The following FILIP1L variants were observed in gnomAD, a reference collection of about 807,000 sequenced individuals.
FILIP1L encodes the protein filamin A-interacting protein 1-like.
FILIP1L carries 55 observed loss-of-function variants against 96.6 expected under a neutral mutation model. The ratio of observed to expected loss-of-function variants is 0.57; its 90% CI spans 0.46 to 0.71. The LOEUF (loss-of-function observed/expected upper bound fraction) is 0.71, where lower values mean the gene tolerates loss of function less well. Ranked by LOEUF, FILIP1L falls within the 30% of genes least tolerant of loss-of-function variation. The pLI, the probability that FILIP1L is intolerant of heterozygous loss-of-function variation, is 0.00. For synonymous variants in FILIP1L, 467 were observed against 473.9 expected, an observed-to-expected ratio of 0.99 and a Z score of 0.19; for missense variants, 1,304 against 1,321.2, an observed-to-expected ratio of 0.99 and a Z score of 0.20.
intron 5 of FILIP1L, among the ~76,000 whole-genome samples, chr3:99,837,382 C>T (rs1174894531): frequency 6.6e-6 from 1 of 150,546 alleles, no homozygotes; most frequent in Non-Finnish European, 1.5e-5. Flanking sequence ...GGCAAGAACA[C>T]CATGAAAAGG....
At chr3:100,013,214 G>GTGGTGT (rs377072581) in intron 1 of FILIP1L, among the ~76,000 whole-genome samples, 42 of 145,520 alleles carry the variant, frequency 2.9e-4, no homozygotes, top group East Asian at 4.3e-4. Flanking sequence ...GGCCAGTGAG[G>GTGGTGT]TGTTGTTGTT....
At chr3:99,971,289 A>G (rs377188406) in intron 1 of FILIP1L, among the ~76,000 whole-genome samples, 8 of 151,866 alleles carry the variant, frequency 5.3e-5, no homozygotes, top group East Asian at 3.9e-4. Context: ...GCAGTGAGCC[A>G]AGATCGTGCC....
intron 5 of FILIP1L, among the ~76,000 whole-genome samples, chr3:99,842,901 C>T (rs570945254): frequency 6.2e-4 from 95 of 152,274 alleles, no homozygotes; most frequent in African/African-American, 2.0e-3. Context: ...TCGCTAGACT[C>T]CCTCAAGATT....
At chr3:100,031,614 C>T (rs1199689942) in intron 1 of FILIP1L, among the ~76,000 whole-genome samples, 1 of 152,060 alleles carries the variant, frequency 6.6e-6, no homozygotes, top group African/African-American at 2.4e-5. Flanking sequence ...TTGGCTCCTC[C>T]TGTGTTCTTT....
intron 1 of FILIP1L, among the ~76,000 whole-genome samples, chr3:100,098,492 G>C (rs1576057484): frequency 2.0e-5 from 3 of 152,316 alleles, no homozygotes; most frequent in South Asian, 4.1e-4. Context: ...GTACCAGGCA[G>C]ATAGCAAGCA....
intron 4 of FILIP1L, among the ~76,000 whole-genome samples, chr3:99,871,462 G>T (rs1227284537): frequency 3.3e-5 from 5 of 152,136 alleles, no homozygotes; most frequent in African/African-American, 9.7e-5. Flanking sequence ...GACCCTGAAG[G>T]AGTTTATAGT....
intron 1 of FILIP1L, among the ~76,000 whole-genome samples, chr3:100,045,758 G>A (rs1189653887): frequency 6.6e-6 from 1 of 152,204 alleles, no homozygotes; most frequent in South Asian, 2.1e-4. Context: ...CGGCAGCTTT[G>A]CTGTGAATGT....
chr3:100,051,749 C>G (rs904804883), intron 1 of FILIP1L, among the ~76,000 whole-genome samples: 1 of 151,394 alleles, frequency 6.6e-6, no homozygotes, highest in Non-Finnish European at 1.5e-5. Flanking sequence ...TTAATCTAGT[C>G]GATCATTGTT....
At chr3:100,045,897 TG>T (rs1205805753) in intron 1 of FILIP1L, among the ~76,000 whole-genome samples, 1 of 152,008 alleles carries the variant, frequency 6.6e-6, no homozygotes, top group African/African-American at 2.4e-5. Context: ...GTGTCCTTTC[TG>T]CGCAGGGATG....
At chr3:99,957,112 T>G (rs1373660468) in intron 1 of FILIP1L, among the ~76,000 whole-genome samples, 4 of 152,226 alleles carry the variant, frequency 2.6e-5, no homozygotes, top group Non-Finnish European at 5.9e-5. Flanking sequence ...GTGTTTATGT[T>G]TGTACATTTA....
intron 3 of FILIP1L, among the ~76,000 whole-genome samples, chr3:99,929,054 C>G (rs1044055931): frequency 6.6e-6 from 1 of 152,206 alleles, no homozygotes; most frequent in African/African-American, 2.4e-5. Flanking sequence ...TTGTCTGAAA[C>G]TTGCTTTCAC....
In FILIP1L at chr3:99,944,268, CTTG is replaced by C. The variant is rs1371343516; in HGVS notation, c.-10-13241_-10-13239del. Among the ~76,000 whole-genome samples, 5 of 152,242 alleles carry C rather than the reference CTTG, an allele frequency of 3.3e-5. No homozygotes were observed. The East Asian group carries it at 7.7e-4, about 24-fold the overall frequency. Reference sequence around the variant, plus strand: ...ATTGGGATTTGGCCAAGAACCAGTGCTTGTTGTTTAGTAGAGAGGTGATAGGGA... The same window carrying C: ...ATTGGGATTTGGCCAAGAACCAGTGCTTGTTTAGTAGAGAGGTGATAGGGA... On this transcript the variant is annotated intron_variant, in intron 1 of 5. Coordinates refer to ENST00000477258, the MANE Select transcript of FILIP1L (RefSeq NM_001387850.1).
At chr3:100,026,051 T>A (rs2064914697) in intron 1 of FILIP1L, among the ~76,000 whole-genome samples, 1 of 152,152 alleles carries the variant, frequency 6.6e-6, no homozygotes, top group Non-Finnish European at 1.5e-5. Flanking sequence ...TTAGACTTAA[T>A]GAAATCAGAA....
chr3:100,021,487 T>C (rs2064816194), intron 1 of FILIP1L, among the ~76,000 whole-genome samples: 1 of 152,082 alleles, frequency 6.6e-6, no homozygotes, highest in African/African-American at 2.4e-5. Flanking sequence ...TAGAGAAAAT[T>C]CCTGTAATGT....
chr3:100,058,850 G>C (rs1402664752), intron 1 of FILIP1L, among the ~76,000 whole-genome samples: 4 of 152,186 alleles, frequency 2.6e-5, no homozygotes, highest in Non-Finnish European at 5.9e-5. Flanking sequence ...ATAAAGTTTA[G>C]TAGTTGAGTG....
At chr3:99,991,946 ATGTGTATATATG>A (rs1709531017) in intron 1 of FILIP1L, among the ~76,000 whole-genome samples, 1 of 148,680 alleles carries the variant, frequency 6.7e-6, no homozygotes, top group Non-Finnish European at 1.5e-5. Context: ...ATGTGTATAT[ATGTGTATATATG>A]TGTGTATATA....
At chr3:100,098,691 A>C (rs184022326) in intron 1 of FILIP1L, among the ~76,000 whole-genome samples, 1 of 152,338 alleles carries the variant, frequency 6.6e-6, no homozygotes, top group Admixed American at 6.5e-5. Flanking sequence ...ACTGTGTAGC[A>C]TAGCAGTGCC....
chr3:99,855,537 A>G (rs773373733), intron 4 of FILIP1L, among the ~76,000 whole-genome samples: 29 of 152,326 alleles, frequency 1.9e-4, no homozygotes, highest in Non-Finnish European at 4.0e-4. Context: ...GAGGCTCACA[A>G]AGGTCAAGAA....
intron 4 of FILIP1L, among the ~76,000 whole-genome samples, chr3:99,872,247 C>G (rs1944826673): frequency 7.1e-6 from 1 of 139,880 alleles, no homozygotes; most frequent in East Asian, 2.3e-4. Flanking sequence ...CTGTAAAATT[C>G]TGTGGATATT....
Sources: gnomAD v4.1 joint callset for allele counts (sites outside exome capture counted in the v4.1 genomes callset) on GRCh38, gnomAD v4.1.1 for gene constraint, MANE v1.5 for transcripts, NCBI Gene and HGNC (gene_info 2026-07-23, HGNC 2026-07-21) for gene names.